Variants in COL21A1 observed in about 807,000 individuals in gnomAD.
COL21A1 encodes collagen alpha-1(XXI) chain.
In COL21A1, 149 loss-of-function variants were observed where a neutral mutation model predicts 137.9. The ratio of observed to expected loss-of-function variants is 1.08; its 90% CI spans 0.95 to 1.24. COL21A1 has a LOEUF of 1.24. COL21A1 is among the 50% of genes most tolerant of loss of function. COL21A1 has a pLI of 0.00. For synonymous variants in COL21A1, 456 were observed against 391.5 expected, an observed-to-expected ratio of 1.16 and a Z score of -1.95; for missense variants, 1,167 against 1,158.4, an observed-to-expected ratio of 1.01 and a Z score of -0.11.
intron 3 of COL21A1, among the ~76,000 whole-genome samples, chr6:56,171,639 G>T (rs2152273559): frequency 6.6e-6 from 1 of 151,926 alleles, no homozygotes; most frequent in South Asian, 2.1e-4. Flanking sequence ...TTTCTTTCCA[G>T]TTCAAGCAGC....
chr6:56,153,731 GACA>G (rs1271338945), intron 10 of COL21A1, among the ~76,000 whole-genome samples: 1 of 152,050 alleles, frequency 6.6e-6, no homozygotes, highest in Non-Finnish European at 1.5e-5. Context: ...TGGATCTCTT[GACA>G]ACAATAACAC....
intron 16 of COL21A1, among the ~76,000 whole-genome samples, chr6:56,107,628 C>A (rs1771066088): frequency 1.0e-5 from 1 of 99,768 alleles, no homozygotes. Flanking sequence ...AGCAATATTT[C>A]TAAGAAATTC....
At chr6:56,092,506 A>T (rs540694493) in intron 17 of COL21A1, among the ~76,000 whole-genome samples, 31 of 152,312 alleles carry the variant, frequency 2.0e-4, no homozygotes, top group African/African-American at 5.1e-4. Context: ...ATGTAGGAAA[A>T]TGAGAAATAG....
intron 1 of COL21A1, among the ~76,000 whole-genome samples, chr6:56,355,238 G>A (rs934904539): frequency 2.0e-5 from 3 of 152,186 alleles, no homozygotes; most frequent in Non-Finnish European, 4.4e-5. Flanking sequence ...CTGCCAAGGG[G>A]ATTGAATATG....
intron 1 of COL21A1, among the ~76,000 whole-genome samples, chr6:56,379,268 A>T (rs980747333): frequency 6.6e-6 from 1 of 152,220 alleles, no homozygotes; most frequent in Admixed American, 6.5e-5. Flanking sequence ...AGAAACAGAG[A>T]TATGTGACCT....
intron 1 of COL21A1, among the ~76,000 whole-genome samples, chr6:56,327,167 A>AT (rs1562058562): frequency 6.6e-5 from 10 of 151,800 alleles, no homozygotes; most frequent in Non-Finnish European, 1.5e-5. Context: ...AACTCTAATT[A>AT]TTTTTTAAAT....
At chr6:56,262,995 A>G (rs1192912245) in intron 1 of COL21A1, among the ~76,000 whole-genome samples, 2 of 152,220 alleles carry the variant, frequency 1.3e-5, no homozygotes, top group African/African-American at 4.8e-5. Context: ...GCATTAAAAT[A>G]TATAATCTTG....
intron 2 of COL21A1, among the ~76,000 whole-genome samples, chr6:56,180,392 G>A (rs1777806616): frequency 6.6e-6 from 1 of 152,122 alleles, no homozygotes; most frequent in Non-Finnish European, 1.5e-5. Context: ...ATTAATAGTT[G>A]ATAAAAGTTA....
At chr6:56,292,112 T>C (rs1293735605) in intron 1 of COL21A1, among the ~76,000 whole-genome samples, 1 of 152,064 alleles carries the variant, frequency 6.6e-6, no homozygotes, top group African/African-American at 2.4e-5. Context: ...GAGGTTGCAG[T>C]GAGCTGAGAT....
intron 1 of COL21A1, among the ~76,000 whole-genome samples, chr6:56,393,615 T>A (rs1178636300): frequency 6.6e-6 from 1 of 152,144 alleles, no homozygotes; most frequent in African/African-American, 2.4e-5. Context: ...CAAAATAGTG[T>A]ATAGAGATTC....
At chr6:56,195,428 T>C (rs575871975) in intron 1 of COL21A1, among the ~76,000 whole-genome samples, 2 of 152,144 alleles carry the variant, frequency 1.3e-5, no homozygotes, top group African/African-American at 4.8e-5. Context: ...TCTGTCTTCC[T>C]GAAACAAATG....
At chr6:56,122,359 C>A (rs2152208564) in intron 16 of COL21A1, among the ~76,000 whole-genome samples, 1 of 150,992 alleles carries the variant, frequency 6.6e-6, no homozygotes, top group East Asian at 2.0e-4. Context: ...GTTGCCCAGG[C>A]TGGCGTGCAG....
chr6:56,190,013 A>T (rs1778554069), intron 1 of COL21A1, among the ~76,000 whole-genome samples: 1 of 152,158 alleles, frequency 6.6e-6, no homozygotes, highest in African/African-American at 2.4e-5. Flanking sequence ...CACTGCAAAA[A>T]CATACACAAT....
intron 1 of COL21A1, among the ~76,000 whole-genome samples, chr6:56,324,826 C>T (rs115431552): frequency 6.6e-6 from 1 of 151,928 alleles, no homozygotes; most frequent in Non-Finnish European, 1.5e-5. Flanking sequence ...TCTCTCTGAC[C>T]TCCTCCTCAC....
At chr6:56,344,527 A>G (rs1004096800) in intron 1 of COL21A1, among the ~76,000 whole-genome samples, 17 of 152,256 alleles carry the variant, frequency 1.1e-4, no homozygotes, top group Non-Finnish European at 2.2e-4. Context: ...GTATATTTAC[A>G]TAACAGATTA....
chr6:56,369,294 G>A (rs922571499), intron 1 of COL21A1, among the ~76,000 whole-genome samples: 5 of 151,316 alleles, frequency 3.3e-5, no homozygotes, highest in African/African-American at 7.3e-5. Context: ...CTGATAACAG[G>A]GTAAGAATAG....
At chr6:56,171,983 G>C (rs1199840762) in intron 3 of COL21A1, among the ~76,000 whole-genome samples, 2 of 146,210 alleles carry the variant, frequency 1.4e-5, no homozygotes, top group African/African-American at 5.1e-5. Context: ...GAAACAAAAA[G>C]AAAAAGGAAG....
intron 1 of COL21A1, among the ~76,000 whole-genome samples, chr6:56,255,837 C>T (rs1782956192): frequency 6.6e-6 from 1 of 152,128 alleles, no homozygotes; most frequent in Non-Finnish European, 1.5e-5. Flanking sequence ...CCAAAAGGGA[C>T]CCAGCCCTGC....
upstream of COL21A1, among the ~76,000 whole-genome samples, chr6:56,249,832 T>C (rs1782813248): frequency 6.6e-6 from 1 of 152,244 alleles, no homozygotes; most frequent in South Asian, 2.1e-4. Context: ...TAAAAACTAC[T>C]GAATTGTTGA....
Sources: allele counts gnomAD v4.1 joint callset (sites outside exome capture counted in the v4.1 genomes callset), GRCh38; gene constraint gnomAD v4.1.1; transcripts MANE v1.5; gene names NCBI Gene and HGNC (gene_info 2026-07-23, HGNC 2026-07-21).